HECW2: variants seen among roughly 807,000 people sequenced by gnomAD.
The protein encoded by HECW2 is E3 ubiquitin-protein ligase HECW2.
A neutral mutation model predicts 175.2 loss-of-function variants in HECW2; 61 were observed. The ratio of observed to expected loss-of-function variants is 0.35; its 90% CI spans 0.28 to 0.43. The LOEUF is 0.43. Among genes scored for constraint, HECW2 ranks in the 20% least tolerant of loss-of-function variants. HECW2 has a pLI of 1.00. For missense variants in HECW2, 1,524 were observed against 2,000.5 expected (o/e 0.76, Z 4.54); for synonymous variants, 671 against 731.0 (o/e 0.92, Z 1.32).
intron 1 of HECW2, among the ~76,000 whole-genome samples, chr2:196,510,032 C>T (rs1687891145): frequency 6.6e-6 from 1 of 152,166 alleles, no homozygotes; most frequent in Non-Finnish European, 1.5e-5. Context: ...CATTAATAGC[C>T]AAACTTTACC....
chr2:196,312,388 T>A (rs1691531203), intron 10 of HECW2, among the ~76,000 whole-genome samples: 1 of 152,240 alleles, frequency 6.6e-6, no homozygotes, highest in South Asian at 2.1e-4. Context: ...AATGGCGAGA[T>A]GATTAAGTTC....
rs1470513453 is a variant in HECW2 at position 196,524,401 on chromosome 2, A to G, written c.-36+69107T>C. Reference sequence around the variant, plus strand: ...TATTAGTCTTGCTAGCGGTCTATCAATTTTGTTGATCCTTTCAAAAAACCA... The same window carrying G: ...TATTAGTCTTGCTAGCGGTCTATCAGTTTTGTTGATCCTTTCAAAAAACCA... On this transcript the variant is annotated intron_variant, in intron 1 of 28. Transcript: ENST00000644978. Among the ~76,000 whole-genome samples, 41 of 90,540 alleles carry G rather than the reference A, an allele frequency of 4.5e-4. No homozygotes were observed. In the East Asian group the frequency reaches 8.8e-3, roughly 20 times the overall value. The allele number at this position is 90,540 out of a possible 152,430, so 59.4% of individuals were successfully genotyped here. A position where few individuals can be genotyped will look rare whatever the true frequency, so the allele number is the denominator to read the frequency against.
intron 26 of HECW2, chr2:196,218,137 C>T (rs1259492583): frequency 2.6e-5 from 4 of 152,262 alleles, no homozygotes; most frequent in Non-Finnish European, 5.9e-5. Context: ...TTCTCATCTA[C>T]AAAAGAAGTG....
intron 1 of HECW2, among the ~76,000 whole-genome samples, chr2:196,568,090 A>G (rs114701053): frequency 1.3e-3 from 193 of 152,268 alleles, no homozygotes; most frequent in African/African-American, 4.3e-3. Context: ...GTTTTGCTAC[A>G]TTTGTTCTCT....
chr2:196,564,891 T>C (rs1460887093), intron 1 of HECW2, among the ~76,000 whole-genome samples: 1 of 151,554 alleles, frequency 6.6e-6, no homozygotes, highest in Non-Finnish European at 1.5e-5. Flanking sequence ...AAAAGCCTAA[T>C]GAGCAGTACA....
At chr2:196,521,507 G>C (rs1159129119) in intron 1 of HECW2, among the ~76,000 whole-genome samples, 1 of 150,668 alleles carries the variant, frequency 6.6e-6, no homozygotes, top group Non-Finnish European at 1.5e-5. Context: ...TCTACTTTAA[G>C]TTTTAGGGTA....
intron 2 of HECW2, among the ~76,000 whole-genome samples, chr2:196,375,569 G>A (rs1178807182): frequency 6.6e-6 from 1 of 152,210 alleles, no homozygotes; most frequent in Non-Finnish European, 1.5e-5. Context: ...AAAGGAAGTG[G>A]TAACCTTTTT....
At chr2:196,207,716 C>A (rs936127715) in intron 28 of HECW2, among the ~76,000 whole-genome samples, 2 of 152,172 alleles carry the variant, frequency 1.3e-5, no homozygotes, top group African/African-American at 4.8e-5. Context: ...CCACAAGGTT[C>A]GGCACTTAGT....
At chr2:196,474,447 A>T (rs1370668855) in intron 1 of HECW2, among the ~76,000 whole-genome samples, 1 of 152,228 alleles carries the variant, frequency 6.6e-6, no homozygotes, top group Non-Finnish European at 1.5e-5. Flanking sequence ...TATATTTATT[A>T]GGATAGTGTG....
intron 1 of HECW2, among the ~76,000 whole-genome samples, chr2:196,529,528 G>T (rs922076567): frequency 6.6e-6 from 1 of 151,980 alleles, no homozygotes; most frequent in African/African-American, 2.4e-5. Context: ...ATGGCTATAA[G>T]GATTTAAAAA....
chr2:196,516,732 A>G (rs950620372), intron 1 of HECW2, among the ~76,000 whole-genome samples: 20 of 152,224 alleles, frequency 1.3e-4, no homozygotes, highest in African/African-American at 4.8e-4. Context: ...TCCCAAATTC[A>G]GGATGTGTTG....
intron 17 of HECW2, among the ~76,000 whole-genome samples, chr2:196,258,526 C>T (rs1481900684): frequency 7.2e-5 from 11 of 152,096 alleles, no homozygotes; most frequent in Non-Finnish European, 1.6e-4. Context: ...TGTATATATA[C>T]ATATACATAT....
At chr2:196,581,018 T>G (rs778578960) in intron 1 of HECW2, among the ~76,000 whole-genome samples, 1 of 152,152 alleles carries the variant, frequency 6.6e-6, no homozygotes, top group Non-Finnish European at 1.5e-5. Flanking sequence ...TTAAAAATAT[T>G]ATGCTAAGTG....
chr2:196,592,738 C>G (rs1378805857), intron 1 of HECW2: 2 of 152,116 alleles, frequency 1.3e-5, no homozygotes, highest in Non-Finnish European at 2.9e-5. Flanking sequence ...CACCTCCCGC[C>G]GTCCGCTACC....
At chr2:196,337,267 A>C (rs967982202) in intron 3 of HECW2, among the ~76,000 whole-genome samples, 1 of 152,016 alleles carries the variant, frequency 6.6e-6, no homozygotes, top group Non-Finnish European at 1.5e-5. Flanking sequence ...CCAGGGGCAC[A>C]GGCTTCTGTT....
At chr2:196,506,103 G>C (rs559685603) in intron 1 of HECW2, among the ~76,000 whole-genome samples, 1 of 152,146 alleles carries the variant, frequency 6.6e-6, no homozygotes, top group African/African-American at 2.4e-5. Flanking sequence ...GAGGAGGGGA[G>C]AAAGGGGATG....
chr2:196,510,361 T>A (rs1687903284), intron 1 of HECW2, among the ~76,000 whole-genome samples: 1 of 152,142 alleles, frequency 6.6e-6, no homozygotes, highest in South Asian at 2.1e-4. Flanking sequence ...AAAAGTATAA[T>A]CATTAAACCA....
chr2:196,236,234 C>G (rs1413699679), intron 21 of HECW2, among the ~76,000 whole-genome samples: 1 of 152,172 alleles, frequency 6.6e-6, no homozygotes, highest in Non-Finnish European at 1.5e-5. Flanking sequence ...GAGGCATATA[C>G]ATACCAAAAT....
Position 196,278,535 on chromosome 2 carries a change from G to T in HECW2, c.3128C>A (p.Ala1043Glu). ...CCAAAACGCATGACTCACCTCACCC[G>T]CACTGTGGCTGCGTTGCCTTGTCAG... is the stretch of plus-strand genomic sequence containing the variant. ...QHLTRQRSHS[A>E]GEVGEDSRHA... Residue 1043 changes from alanine to glutamate, a missense_variant, in exon 15 of 29, where the codon GCG (alanine) becomes GAG (glutamate). By Grantham distance (107) the Ala-to-Glu change is moderately radical. Transcript: ENST00000644978. 1.2e-6 allele frequency: 2 copies of T among 1,613,518 alleles called. No homozygotes were observed. The highest frequency in any genetic ancestry group is 1.7e-6 in the Non-Finnish European group (2 of 1,179,736).
Sources: gnomAD v4.1 joint callset for allele counts (sites outside exome capture counted in the v4.1 genomes callset) on GRCh38, gnomAD v4.1.1 for gene constraint, MANE v1.5 for transcripts, NCBI Gene and HGNC (gene_info 2026-07-23, HGNC 2026-07-21) for gene names.